Variants in MARCHF7 observed in about 807,000 individuals in gnomAD.
The protein encoded by MARCHF7 is membrane associated ring-CH-type finger 7.
A neutral mutation model predicts 76.5 loss-of-function variants in MARCHF7; 20 were observed. That is an observed-to-expected ratio of 0.26 (90% CI 0.18 to 0.38). The LOEUF is 0.38. MARCHF7 is among the 10% of genes least tolerant of loss of function. The pLI is 1.00. For synonymous variants in MARCHF7, 295 were observed against 293.0 expected (o/e 1.01, Z -0.07); for missense variants, 797 against 812.9 (o/e 0.98, Z 0.24).
At chr2:159,721,482 ATG>A (rs1423526739) in intron 3 of MARCHF7, among the ~76,000 whole-genome samples, 2 of 152,226 alleles carry the variant, frequency 1.3e-5, no homozygotes, top group Non-Finnish European at 2.9e-5. Flanking sequence ...GAGTAAAAGT[ATG>A]TCTTATTAGG....
rs1455806848 is a variant in MARCHF7, at chr2:159,767,679, T to G, written c.*337T>G. ...TTGTGTTATGATTACTGTAGTCATA[T>G]TTATGAAAAAAGGTTTGTGTTTTAC... is the stretch of plus-strand genomic sequence containing the variant. On this transcript the variant is annotated 3_prime_UTR_variant, in exon 12 of 12. Coordinates refer to ENST00000409175, the MANE Select transcript of MARCHF7 (RefSeq NM_001282805.2). 6.1e-6 allele frequency: 1 copy of G among 165,120 alleles called. No homozygotes were observed. The highest frequency in any genetic ancestry group is 1.3e-5 in the Non-Finnish European group (1 of 76,610). The allele number at this position is 165,120 out of a possible 1,614,324, so 10.2% of individuals were successfully genotyped here. A position where few individuals can be genotyped will look rare whatever the true frequency, so the allele number is the denominator to read the frequency against.
At chr2:159,743,341 T>A in intron 5 of MARCHF7, 88 bp downstream of exon 5, 1 of 1,243,384 alleles carries the variant, frequency 8.0e-7, no homozygotes, top group Non-Finnish European at 1.1e-6. Flanking sequence ...GCAAGTAGAT[T>A]TTATATGAAG....
At chr2:159,734,149 T>G in intron 4 of MARCHF7, 2 of 1,099,526 alleles carry the variant, frequency 1.8e-6, no homozygotes. Context: ...AAAGGGGTTA[T>G]TTGTGGATAT....
intron 3 of MARCHF7, among the ~76,000 whole-genome samples, chr2:159,727,915 G>T (rs983811606): frequency 5.3e-5 from 8 of 152,118 alleles, no homozygotes; most frequent in African/African-American, 1.9e-4. Context: ...AGGAAAACTT[G>T]GAAATTATTA....
At chr2:159,757,504 AG>A (rs1385404310) in intron 8 of MARCHF7, among the ~76,000 whole-genome samples, 3 of 152,214 alleles carry the variant, frequency 2.0e-5, no homozygotes, top group African/African-American at 7.2e-5. Flanking sequence ...ATATAGGAGT[AG>A]GCTGGCTGTG....
chr2:159,738,011 G>A (rs1268290726), intron 4 of MARCHF7, among the ~76,000 whole-genome samples: 4 of 152,180 alleles, frequency 2.6e-5, no homozygotes, highest in South Asian at 2.1e-4. Flanking sequence ...TGTTCGACTC[G>A]TGCTATCAGC....
intron 4 of MARCHF7, among the ~76,000 whole-genome samples, chr2:159,734,502 G>A (rs575566981): frequency 2.0e-5 from 3 of 152,206 alleles, no homozygotes; most frequent in Admixed American, 2.0e-4. Flanking sequence ...TTTAAAATAG[G>A]ATAAGGAAAT....
intron 10 of MARCHF7, 52 bp downstream of exon 10, chr2:159,763,045 G>T: frequency 4.6e-6 from 5 of 1,097,740 alleles, no homozygotes; most frequent in Non-Finnish European, 4.1e-6. Flanking sequence ...GCAAGTGTAT[G>T]CCTTGGAAAG....
At chr2:159,753,334 G>A (rs1705885045) in intron 8 of MARCHF7, among the ~76,000 whole-genome samples, 1 of 152,092 alleles carries the variant, frequency 6.6e-6, no homozygotes, top group South Asian at 2.1e-4. Flanking sequence ...CACTTTGGGA[G>A]GCCGAGACGG....
chr2:159,714,351 T>G (rs1018973144), intron 1 of MARCHF7, among the ~76,000 whole-genome samples: 32 of 152,190 alleles, frequency 2.1e-4, no homozygotes, highest in Non-Finnish European at 3.5e-4. Flanking sequence ...CCTCCACAAC[T>G]CACTGTTTAG....
intron 4 of MARCHF7, chr2:159,734,059 G>A (rs1416060597): frequency 2.9e-6 from 4 of 1,361,422 alleles, no homozygotes; most frequent in Non-Finnish European, 3.9e-6. Flanking sequence ...TGGCAACTAT[G>A]ATCATCTTAT....
chr2:159,746,045 T>G (rs537688511), intron 6 of MARCHF7, 108 bp downstream of exon 6: 1 of 844,936 alleles, frequency 1.2e-6, no homozygotes, highest in Admixed American at 3.6e-5. Flanking sequence ...TTTTGTCTTA[T>G]GAAGATTTCA....
At chr2:159,759,415 T>G in intron 9 of MARCHF7, 80 bp downstream of exon 9, 1 of 623,206 alleles carries the variant, frequency 1.6e-6, no homozygotes, top group East Asian at 2.9e-5. Context: ...TAAATCATGG[T>G]CAGAAACCTT....
At chr2:159,755,360 G>A (rs1196465221) in intron 8 of MARCHF7, among the ~76,000 whole-genome samples, 1 of 152,100 alleles carries the variant, frequency 6.6e-6, no homozygotes, top group Non-Finnish European at 1.5e-5. Context: ...ATAATCCAGT[G>A]GGTCTGGTCT....
chr2:159,742,565 C>G (rs368551594), intron 4 of MARCHF7, among the ~76,000 whole-genome samples: 240 of 151,584 alleles, frequency 1.6e-3, no homozygotes, highest in African/African-American at 5.4e-3. Flanking sequence ...AAAGGACTTA[C>G]TCTGCATCAG....
At chr2:159,717,593 C>T (rs1259492563) in intron 3 of MARCHF7, among the ~76,000 whole-genome samples, 1 of 152,098 alleles carries the variant, frequency 6.6e-6, no homozygotes, top group Non-Finnish European at 1.5e-5. Flanking sequence ...TTAGTCTTTA[C>T]TAGAGTTATT....
rs539577242 is a variant in MARCHF7 at position 159,729,650 on chromosome 2, G to A, written c.153+475G>A. Among the ~76,000 whole-genome samples the A allele has an allele frequency of 3.9e-3, 588 of 150,698 alleles. 1 individual carries two copies. Among genetic ancestry groups the A allele is most frequent in the Middle Eastern group, 6.8e-3 (2 of 292 alleles). The stretch of plus-strand genomic sequence containing the variant: ...ATCATGAGACTGCACTCCAGCCTGG[G>A]TGACAGAGTGAGACTCCATCTCAAA... On this transcript the variant is annotated intron_variant, in intron 4 of 11. Transcript: ENST00000409175.
chr2:159,755,645 A>T (rs1051332626), intron 8 of MARCHF7, among the ~76,000 whole-genome samples: 1 of 152,184 alleles, frequency 6.6e-6, no homozygotes, highest in African/African-American at 2.4e-5. Context: ...TGGTTAGAGG[A>T]ATTTACTGAT....
chr2:159,739,924 TAA>T (rs1228165365), intron 4 of MARCHF7, among the ~76,000 whole-genome samples: 8 of 152,238 alleles, frequency 5.3e-5, no homozygotes, highest in Admixed American at 4.6e-4. Flanking sequence ...AGTGTCACTT[TAA>T]GTCTTTGGAC....
Sources: allele counts gnomAD v4.1 joint callset (sites outside exome capture counted in the v4.1 genomes callset), GRCh38; gene constraint gnomAD v4.1.1; transcripts MANE v1.5; gene names NCBI Gene and HGNC (gene_info 2026-07-23, HGNC 2026-07-21).